Variants in RBFOX1 observed in about 807,000 individuals in gnomAD.
RBFOX1 encodes the protein RNA binding protein fox-1 homolog 1.
A neutral mutation model predicts 57.7 loss-of-function variants in RBFOX1; 8 were observed. The observed-to-expected ratio is 0.14, with a 90% CI of 0.08 to 0.25. The LOEUF (loss-of-function observed/expected upper bound fraction) is 0.25, where lower values mean the gene tolerates loss of function less well. RBFOX1 is among the 10% of genes least tolerant of loss of function. The probability of loss-of-function intolerance (pLI) is 1.00; values close to 1 mark genes in which losing one functional copy is unlikely to be tolerated. For missense variants in RBFOX1, 611 were observed against 548.5 expected (o/e 1.11, Z -1.14); for synonymous variants, 326 against 222.4 (o/e 1.47, Z -4.15).
At chr16:6,861,447 ACT>A (rs1016531096) in intron 3 of RBFOX1, among the ~76,000 whole-genome samples, 3 of 151,124 alleles carry the variant, frequency 2.0e-5, no homozygotes, top group Non-Finnish European at 2.9e-5. Context: ...GCAAGGCCTG[ACT>A]CTCTTTTCCA....
chr16:6,871,614 C>T lies in RBFOX1; in HGVS notation c.-15-180443C>T, dbSNP rs1264071427. ...CTCCATTCTCCTTCTATTCTCCTGG[C>T]CAAAGCCACTCTTCCCTCCTGCCTG... On this transcript the variant is annotated intron_variant, in intron 3 of 15. Coordinates refer to ENST00000550418, the MANE Select transcript of RBFOX1 (RefSeq NM_018723.4). Among the ~76,000 whole-genome samples, 3 of 152,176 alleles carry T rather than the reference C, an allele frequency of 2.0e-5. No homozygotes were observed. The South Asian group carries it at 6.2e-4, about 32-fold the overall frequency.
chr16:5,822,943 A>T (rs2055907798), intron 3 of RBFOX1, among the ~76,000 whole-genome samples: 1 of 152,208 alleles, frequency 6.6e-6, no homozygotes, highest in Non-Finnish European at 1.5e-5. Flanking sequence ...CCACATGATA[A>T]CTGCATAATT....
chr16:7,061,282 C>G (rs1026293505), intron 4 of RBFOX1, among the ~76,000 whole-genome samples: 1 of 152,154 alleles, frequency 6.6e-6, no homozygotes, highest in Non-Finnish European at 1.5e-5. Flanking sequence ...TTTTAAATGT[C>G]ATCTTCACAA....
chr16:6,721,601 C>T (rs1438710649), intron 3 of RBFOX1, among the ~76,000 whole-genome samples: 2 of 152,246 alleles, frequency 1.3e-5, no homozygotes, highest in East Asian at 1.9e-4. Flanking sequence ...TTCTCCTTAC[C>T]CTCCAGCTCC....
At chr16:7,631,675 A>T (rs2060985333) in intron 11 of RBFOX1, among the ~76,000 whole-genome samples, 1 of 152,132 alleles carries the variant, frequency 6.6e-6, no homozygotes, top group Non-Finnish European at 1.5e-5. Flanking sequence ...TGTAAAAGGC[A>T]GGGATGGGGA....
At chr16:6,009,001 A>G (rs1417752642) in intron 4 of RBFOX1, among the ~76,000 whole-genome samples, 1 of 152,132 alleles carries the variant, frequency 6.6e-6, no homozygotes, top group Non-Finnish European at 1.5e-5. Context: ...TGGTCTATTA[A>G]TGGCTGCTGA....
intron 3 of RBFOX1, among the ~76,000 whole-genome samples, chr16:5,679,820 T>G (rs1295098781): frequency 6.6e-6 from 1 of 152,238 alleles, no homozygotes; most frequent in Non-Finnish European, 1.5e-5. Context: ...AATTTCTGTC[T>G]CCTTTATAAT....
At chr16:5,923,892 A>G (rs2058888145) in intron 4 of RBFOX1, among the ~76,000 whole-genome samples, 2 of 152,118 alleles carry the variant, frequency 1.3e-5, no homozygotes, top group African/African-American at 4.8e-5. Context: ...CCTAATTCTT[A>G]GAGACCTTCC....
At chr16:6,888,917 C>T (rs1053164746) in intron 3 of RBFOX1, among the ~76,000 whole-genome samples, 1 of 152,166 alleles carries the variant, frequency 6.6e-6, no homozygotes, top group Non-Finnish European at 1.5e-5. Flanking sequence ...CATTCTCCTG[C>T]CAAGCAGATA....
chr16:6,579,274 G>A (rs190536979), intron 2 of RBFOX1, among the ~76,000 whole-genome samples: 2 of 151,924 alleles, frequency 1.3e-5, no homozygotes, highest in African/African-American at 2.4e-5. Context: ...TTCAGTTATC[G>A]CTCTCTGTAG....
rs548452353 is a variant in RBFOX1 at position 5,405,664 on chromosome 16, G to T, written c.220-61552G>T. The stretch of plus-strand genomic sequence containing the variant: ...ATCAGTGCTCATAGAGTCTGAGTTG[G>T]GTTCATATTTTGGGTGGCAGGATGC... On this transcript the variant is annotated intron_variant, in intron 1 of 2. Coordinates refer to the RBFOX1 transcript ENST00000585867. Among the ~76,000 whole-genome samples, 8 of 152,264 alleles carry T rather than the reference G, an allele frequency of 5.3e-5. No individual in the cohort carries two copies. The East Asian group carries it at 1.4e-3, about 26-fold the overall frequency.
intron 2 of RBFOX1, among the ~76,000 whole-genome samples, chr16:6,650,175 C>A (rs568543975): frequency 3.3e-5 from 5 of 152,244 alleles, no homozygotes; most frequent in African/African-American, 1.2e-4. Context: ...TAAGAATATG[C>A]CTTTTTAACA....
chr16:6,328,898 G>T (rs531267007), intron 2 of RBFOX1, among the ~76,000 whole-genome samples: 1 of 152,116 alleles, frequency 6.6e-6, no homozygotes, highest in African/African-American at 2.4e-5. Context: ...AGGAAGAAGA[G>T]AGAAGAGAGA....
At chr16:6,048,097 C>T (rs534571797) in intron 1 of RBFOX1, among the ~76,000 whole-genome samples, 11 of 152,228 alleles carry the variant, frequency 7.2e-5, no homozygotes, top group Non-Finnish European at 8.8e-5. Flanking sequence ...TTAATATGTG[C>T]GCAGCATTTT....
chr16:7,470,504 G>T (rs988814678), intron 4 of RBFOX1, among the ~76,000 whole-genome samples: 2 of 151,914 alleles, frequency 1.3e-5, no homozygotes, highest in Non-Finnish European at 2.9e-5. Context: ...TGGAAGAATG[G>T]TTGGATGGAT....
intron 3 of RBFOX1, among the ~76,000 whole-genome samples, chr16:6,828,483 C>G (rs1197737918): frequency 6.6e-6 from 1 of 151,766 alleles, no homozygotes; most frequent in African/African-American, 2.4e-5. Context: ...GACATCACGC[C>G]ATTGCACTCC....
chr16:7,664,787 C>T, intron 12 of RBFOX1, 142 bp from the exon 13 acceptor site: 3 of 1,506,646 alleles, frequency 2.0e-6, no homozygotes, highest in Middle Eastern at 1.9e-4. Flanking sequence ...TCTCCAACCT[C>T]CTTAATCCAA....
intron 2 of RBFOX1, among the ~76,000 whole-genome samples, chr16:6,651,501 TA>T (rs1426597124): frequency 6.6e-6 from 1 of 152,082 alleles, no homozygotes; most frequent in Non-Finnish European, 1.5e-5. Flanking sequence ...CCGGTTCTGT[TA>T]AAATAGAAGT....
At chr16:6,696,234 G>C (rs891309724) in intron 3 of RBFOX1, among the ~76,000 whole-genome samples, 2 of 152,086 alleles carry the variant, frequency 1.3e-5, no homozygotes, top group African/African-American at 4.8e-5. Flanking sequence ...TACAATATCT[G>C]TTTGTACCAC....
Sources: gnomAD v4.1 joint callset for allele counts (sites outside exome capture counted in the v4.1 genomes callset) on GRCh38, gnomAD v4.1.1 for gene constraint, MANE v1.5 for transcripts, NCBI Gene and HGNC (gene_info 2026-07-23, HGNC 2026-07-21) for gene names.